The following PBX3 variants were observed in gnomAD, a reference collection of about 807,000 sequenced individuals.
The protein encoded by PBX3 is PBX homeobox 3, also known as pre-B-cell leukemia transcription factor 3.
In PBX3, 14 loss-of-function variants were observed where a neutral mutation model predicts 48.5. The ratio of observed to expected loss-of-function variants is 0.29; its 90% CI spans 0.19 to 0.45. The LOEUF is 0.45. Ranked by LOEUF, PBX3 falls within the 20% of genes least tolerant of loss-of-function variation. The pLI is 1.00. For synonymous variants in PBX3, 210 were observed against 200.3 expected (o/e 1.05, Z -0.41); for missense variants, 386 against 546.7 (o/e 0.71, Z 2.93).
chr9:125,956,522 C>A (rs1231583962), intron 5 of PBX3, among the ~76,000 whole-genome samples: 1 of 152,184 alleles, frequency 6.6e-6, no homozygotes, highest in Non-Finnish European at 1.5e-5. Context: ...GAGACCAGAT[C>A]CCTTTCAGGC....
intron 2 of PBX3, among the ~76,000 whole-genome samples, chr9:125,800,788 T>G (rs1259950594): frequency 1.3e-5 from 2 of 150,832 alleles, no homozygotes; most frequent in Non-Finnish European, 2.9e-5. Flanking sequence ...AGTTTCCTTC[T>G]TGTGGCCCGA....
chr9:125,766,381 T>C (rs1381980562), intron 2 of PBX3, among the ~76,000 whole-genome samples: 2 of 152,102 alleles, frequency 1.3e-5, no homozygotes, highest in African/African-American at 4.8e-5. Flanking sequence ...ATTGCTATCA[T>C]TAATGATAAT....
At chr9:125,943,311 T>G (rs1186888954) in intron 5 of PBX3, among the ~76,000 whole-genome samples, 1 of 119,746 alleles carries the variant, frequency 8.4e-6, no homozygotes, top group Non-Finnish European at 1.6e-5. Flanking sequence ...GCCAAGATCA[T>G]GCCATTGCAC....
chr9:125,901,262 A>G (rs1346981142), intron 2 of PBX3, among the ~76,000 whole-genome samples: 1 of 151,728 alleles, frequency 6.6e-6, no homozygotes, highest in Non-Finnish European at 1.5e-5. Context: ...GTTTTAAAAT[A>G]AATGCTTTTC....
At chr9:125,815,696 GT>G (rs1459908507) in intron 2 of PBX3, among the ~76,000 whole-genome samples, 89 of 642 alleles carry the variant, frequency 0.14, 1 homozygote, top group East Asian at 0.25. Context: ...GTGACTGGGT[GT>G]GTGTGTGTGT....
intron 2 of PBX3, among the ~76,000 whole-genome samples, chr9:125,881,019 AT>A (rs1840369299): frequency 6.6e-6 from 1 of 152,242 alleles, no homozygotes; most frequent in South Asian, 2.1e-4. Context: ...TGTTTTTCTC[AT>A]TAAGTCTTTT....
intron 5 of PBX3, among the ~76,000 whole-genome samples, chr9:125,944,246 C>T (rs765228683): frequency 9.2e-5 from 14 of 152,218 alleles, no homozygotes; most frequent in Non-Finnish European, 2.1e-4. Flanking sequence ...CCCAATTCTT[C>T]TGTCAGCTAT....
At chr9:125,780,088 AC>A (rs1837214140) in intron 2 of PBX3, among the ~76,000 whole-genome samples, 1 of 107,764 alleles carries the variant, frequency 9.3e-6, no homozygotes, top group African/African-American at 3.5e-5. Context: ...TCCCTCCCGG[AC>A]GGGGCGGCTG....
Position 125,869,326 on chromosome 9 carries a change from A to G in PBX3, c.275-46360A>G, listed in dbSNP as rs557253569. 2.0e-5 allele frequency among the ~76,000 whole-genome samples: 3 copies of G among 152,320 alleles called. No individual in the cohort carries two copies. The South Asian group carries it at 6.2e-4, about 32-fold the overall frequency. On this transcript the variant is annotated intron_variant, in intron 2 of 8. Coordinates refer to ENST00000373489, the MANE Select transcript of PBX3 (RefSeq NM_006195.6). ...TAATTTATGGTTCCAGAAATAAAGA[A>G]TTAAAAAATTGGAGAAGAAGCAATA...
intron 2 of PBX3, among the ~76,000 whole-genome samples, chr9:125,846,446 A>G (rs1470983639): frequency 1.3e-5 from 2 of 152,102 alleles, no homozygotes; most frequent in South Asian, 2.1e-4. Flanking sequence ...CTAATTAGGA[A>G]TTCATACTGA....
At chr9:125,755,724 AATTG>A (rs1836499832) in intron 2 of PBX3, among the ~76,000 whole-genome samples, 2 of 149,390 alleles carry the variant, frequency 1.3e-5, no homozygotes, top group Non-Finnish European at 3.0e-5. Flanking sequence ...ATATAAATAA[AATTG>A]ATTGAAAGGT....
chr9:125,837,501 G>T (rs1406858915), intron 2 of PBX3, among the ~76,000 whole-genome samples: 1 of 151,690 alleles, frequency 6.6e-6, no homozygotes. Context: ...ATAGGAAAGA[G>T]ACTTAAAAAT....
rs145520355 is a variant in PBX3, at chr9:125,818,601, G to T, written c.274+69978G>T. The stretch of plus-strand genomic sequence containing the variant: ...TGACCCCAAGTGATCTGCCTGCCTT[G>T]GCCTCCCAAAGTGCTGGGATTACAG... On this transcript the variant is annotated intron_variant, in intron 2 of 8. Coordinates refer to ENST00000373489, the MANE Select transcript of PBX3 (RefSeq NM_006195.6). Among the ~76,000 whole-genome samples the T allele has an allele frequency of 3.3e-3, 502 of 152,064 alleles. 5 individuals carry two copies. The highest frequency in any genetic ancestry group is 0.016 in the East Asian group (85 of 5,156).
At chr9:125,756,305 A>G (rs1002421313) in intron 2 of PBX3, among the ~76,000 whole-genome samples, 1 of 152,138 alleles carries the variant, frequency 6.6e-6, no homozygotes, top group East Asian at 1.9e-4. Flanking sequence ...TAGGCCTCTG[A>G]ATTTTTCTCT....
At chr9:125,791,602 T>C (rs970494233) in intron 2 of PBX3, among the ~76,000 whole-genome samples, 4 of 152,154 alleles carry the variant, frequency 2.6e-5, no homozygotes, top group Non-Finnish European at 5.9e-5. Flanking sequence ...GTTCTGGTCA[T>C]GTAAGATGTG....
At chr9:125,941,975 T>TACA (rs1290365129) in intron 5 of PBX3, among the ~76,000 whole-genome samples, 2 of 152,226 alleles carry the variant, frequency 1.3e-5, no homozygotes, top group Non-Finnish European at 2.9e-5. Flanking sequence ...TGAAATGTAC[T>TACA]GTAAAGAAAG....
At chr9:125,796,311 T>A (rs1156275467) in intron 2 of PBX3, among the ~76,000 whole-genome samples, 1 of 152,176 alleles carries the variant, frequency 6.6e-6, no homozygotes, top group Non-Finnish European at 1.5e-5. Flanking sequence ...GAGAAATGGA[T>A]CTTATACTTA....
intron 2 of PBX3, among the ~76,000 whole-genome samples, chr9:125,836,134 G>T (rs1023068827): frequency 6.6e-6 from 1 of 152,100 alleles, no homozygotes; most frequent in Non-Finnish European, 1.5e-5. Flanking sequence ...TGTTCTCACT[G>T]ATAAGTGGAA....
chr9:125,815,581 G>A (rs1228761078), intron 2 of PBX3, among the ~76,000 whole-genome samples: 3 of 152,114 alleles, frequency 2.0e-5, no homozygotes, highest in Admixed American at 6.5e-5. Flanking sequence ...TGAAACAGGA[G>A]GAAATTAGTA....
Sources: allele counts gnomAD v4.1 joint callset (sites outside exome capture counted in the v4.1 genomes callset), GRCh38; gene constraint gnomAD v4.1.1; transcripts MANE v1.5; gene names NCBI Gene and HGNC (gene_info 2026-07-23, HGNC 2026-07-21).